MYO1D: variants seen among roughly 807,000 people sequenced by gnomAD.
MYO1D encodes unconventional myosin-Id.
Under a neutral mutation model 122.0 loss-of-function variants are expected in MYO1D, and 83 were observed. That is an observed-to-expected ratio of 0.68 (90% CI 0.57 to 0.82). The LOEUF is 0.82. MYO1D is among the 40% of genes least tolerant of loss of function. MYO1D has a pLI of 0.00. For synonymous variants in MYO1D, 464 were observed against 446.9 expected (o/e 1.04, Z -0.48); for missense variants, 1,157 against 1,269.5 (o/e 0.91, Z 1.35).
rs1312541140 is a variant in MYO1D, at chr17:32,591,025, T to C, written c.2864+14062A>G. On this transcript the variant is annotated intron_variant, in intron 21 of 21. Coordinates refer to ENST00000318217, the MANE Select transcript of MYO1D (RefSeq NM_015194.3). ...GAACACGTCACAAAGCAAATAAGAA[T>C]CTTTGATTTGCACAAAAATCCCCAG... is the stretch of plus-strand genomic sequence containing the variant. Among the ~76,000 whole-genome samples the C allele has an allele frequency of 3.9e-4, 59 of 152,208 alleles. 1 individual carries two copies. The highest frequency in any genetic ancestry group is 3.9e-3 in the Admixed American group (59 of 15,284).
intron 1 of MYO1D, among the ~76,000 whole-genome samples, chr17:32,802,736 C>T (rs1044478185): frequency 1.6e-4 from 25 of 152,020 alleles, no homozygotes; most frequent in Admixed American, 1.4e-3. Flanking sequence ...GTATGTAGAC[C>T]TATAACATAT....
chr17:32,864,020 T>C (rs2091102007), intron 1 of MYO1D, among the ~76,000 whole-genome samples: 4 of 89,506 alleles, frequency 4.5e-5, no homozygotes, highest in African/African-American at 1.0e-4. Context: ...TTTTTTTTTT[T>C]TTTTTTTTTT....
At chr17:32,687,561 T>C (rs547148675) in intron 16 of MYO1D, among the ~76,000 whole-genome samples, 1 of 152,274 alleles carries the variant, frequency 6.6e-6, no homozygotes, top group South Asian at 2.1e-4. Context: ...CAGGCTGGTC[T>C]TGAATTCCTG....
chr17:32,775,901 G>A lies in MYO1D; in HGVS notation c.527C>T (p.Pro176Leu). The A allele has an allele frequency of 6.2e-7, 1 of 1,613,310 alleles. No homozygotes were observed. The highest frequency in any genetic ancestry group is 8.5e-7 in the Non-Finnish European group (1 of 1,179,586). ...MDINFDFKGDPIGGHINNYLL... is the reference protein window; with the variant it reads ...MDINFDFKGDLIGGHINNYLL... ...GTAGTTATTGATATGCCCACCAATA[G>A]GGTCACCCTTGAAGTCAAAGTTGAT... Residue 176 changes from proline to leucine, a missense_variant, in exon 4 of 22, where the codon CCT (proline) becomes CTT (leucine). Pro to Leu is a moderately conservative substitution (Grantham distance 98, BLOSUM62 -3). Transcript: ENST00000318217.
chr17:32,831,840 G>C (rs368259967), intron 1 of MYO1D, among the ~76,000 whole-genome samples: 1 of 152,098 alleles, frequency 6.6e-6, no homozygotes, highest in Non-Finnish European at 1.5e-5. Flanking sequence ...TCATTTCCTG[G>C]AATTTGAATG....
At chr17:32,596,096 CA>C (rs1177238285) in intron 21 of MYO1D, among the ~76,000 whole-genome samples, 5 of 152,312 alleles carry the variant, frequency 3.3e-5, no homozygotes, top group South Asian at 4.1e-4. Flanking sequence ...TTCTGTCCCC[CA>C]TAAGTCAGGT....
chr17:32,813,997 G>A (rs1224626919), intron 1 of MYO1D, among the ~76,000 whole-genome samples: 1 of 152,280 alleles, frequency 6.6e-6, no homozygotes, highest in Non-Finnish European at 1.5e-5. Context: ...TAACTTTCTC[G>A]AGGCAGCAAC....
chr17:32,737,765 C>A lies in MYO1D; in HGVS notation c.1746+488G>T, dbSNP rs146199022. Among the ~76,000 whole-genome samples, 214 of 152,320 alleles carry A rather than the reference C, an allele frequency of 1.4e-3. 1 individual carries two copies. The highest frequency in any genetic ancestry group is 0.01 in the Middle Eastern group (3 of 294). On this transcript the variant is annotated intron_variant, in intron 14 of 21. Coordinates refer to ENST00000318217, the MANE Select transcript of MYO1D (RefSeq NM_015194.3). ...ACAGGCATAAGCCACAACACCCAGG[C>A]CAATACGTCTTTATATTTCAATTAT...
At chr17:32,628,982 A>G (rs1187585330) in intron 20 of MYO1D, among the ~76,000 whole-genome samples, 2 of 152,254 alleles carry the variant, frequency 1.3e-5, no homozygotes, top group Non-Finnish European at 2.9e-5. Context: ...GAAGCAATCA[A>G]TAGGTGAATG....
intron 16 of MYO1D, among the ~76,000 whole-genome samples, chr17:32,677,269 T>C (rs190123716): frequency 6.6e-4 from 100 of 152,288 alleles, no homozygotes; most frequent in Non-Finnish European, 1.2e-3. Flanking sequence ...AATTGAATCA[T>C]AATGAGCAGA....
intron 1 of MYO1D, among the ~76,000 whole-genome samples, chr17:32,782,912 GC>G (rs1267792324): frequency 1.4e-5 from 2 of 146,530 alleles, no homozygotes; most frequent in East Asian, 3.9e-4. Flanking sequence ...TGCAGCCTGG[GC>G]AGCAGAGTGA....
intron 1 of MYO1D, among the ~76,000 whole-genome samples, chr17:32,825,147 G>A (rs1002044146): frequency 6.6e-5 from 10 of 152,272 alleles, no homozygotes; most frequent in Admixed American, 1.3e-4. Flanking sequence ...AGAAATAGTC[G>A]TTGAGCTTGT....
intron 21 of MYO1D, among the ~76,000 whole-genome samples, chr17:32,596,309 G>A (rs910287083): frequency 2.0e-5 from 3 of 152,192 alleles, no homozygotes; most frequent in African/African-American, 7.2e-5. Flanking sequence ...GGGTATTCAG[G>A]TTTGGGGCAG....
At chr17:32,536,396 C>T (rs1002496125) in intron 21 of MYO1D, among the ~76,000 whole-genome samples, 6 of 152,278 alleles carry the variant, frequency 3.9e-5, no homozygotes, top group African/African-American at 1.2e-4. Flanking sequence ...TATATTAAAT[C>T]ACAAGTCATA....
chr17:32,817,383 T>C (rs9909455), intron 1 of MYO1D, among the ~76,000 whole-genome samples: 3,714 of 152,304 alleles, frequency 0.024, 168 homozygotes, highest in African/African-American at 0.083. Flanking sequence ...AACAAAAAAC[T>C]TGGAACAAGA....
chr17:32,840,247 C>T lies in MYO1D; in HGVS notation c.95+36531G>A, dbSNP rs2090867698. On this transcript the variant is annotated intron_variant, in intron 1 of 21. Transcript: ENST00000318217. The stretch of plus-strand genomic sequence containing the variant: ...AGGATCTGGGGAGTTCAGGAAGCAG[C>T]CTGGAGGAAATGGCATCTAAAGGAA... Among the ~76,000 whole-genome samples, 4 of 152,282 alleles carry T rather than the reference C, an allele frequency of 2.6e-5. No individual in the cohort carries two copies. In the South Asian group the frequency reaches 8.3e-4, roughly 32 times the overall value.
intron 20 of MYO1D, among the ~76,000 whole-genome samples, chr17:32,637,334 T>C (rs139936207): frequency 5.3e-5 from 8 of 152,310 alleles, no homozygotes; most frequent in Non-Finnish European, 1.2e-4. Flanking sequence ...GTAACTGCAA[T>C]AGAAGATTAT....
At chr17:32,570,165 G>C (rs1190566874) in intron 21 of MYO1D, among the ~76,000 whole-genome samples, 1 of 152,066 alleles carries the variant, frequency 6.6e-6, no homozygotes, top group African/African-American at 2.4e-5. Flanking sequence ...AGAGTCTCAC[G>C]ATGCCTCACC....
intron 21 of MYO1D, among the ~76,000 whole-genome samples, chr17:32,547,900 A>T (rs1209648504): frequency 6.6e-6 from 1 of 151,560 alleles, no homozygotes; most frequent in Non-Finnish European, 1.5e-5. Context: ...CAGTGAGCTG[A>T]GATTGTGGCA....
Sources: gnomAD v4.1 joint callset for allele counts (sites outside exome capture counted in the v4.1 genomes callset) on GRCh38, gnomAD v4.1.1 for gene constraint, MANE v1.5 for transcripts, NCBI Gene and HGNC (gene_info 2026-07-23, HGNC 2026-07-21) for gene names.